RABGAP1L: variants seen among roughly 807,000 people sequenced by gnomAD.
RABGAP1L encodes the protein RAB GTPase activating protein 1 like, also known as rab GTPase-activating protein 1-like.
Under a neutral mutation model 137.7 loss-of-function variants are expected in RABGAP1L, and 63 were observed. The observed-to-expected ratio is 0.46, with a 90% CI of 0.37 to 0.56. The LOEUF is 0.56. Among genes scored for constraint, RABGAP1L ranks in the 20% least tolerant of loss-of-function variants. RABGAP1L has a pLI of 0.00. For synonymous variants in RABGAP1L, 431 were observed against 433.7 expected (o/e 0.99, Z 0.08); for missense variants, 1,095 against 1,244.0 (o/e 0.88, Z 1.80).
intron 11 of RABGAP1L, among the ~76,000 whole-genome samples, chr1:174,335,291 T>G (rs867794407): frequency 3.9e-5 from 6 of 152,216 alleles, no homozygotes; most frequent in Admixed American, 2.0e-4. Context: ...TTTAATTATT[T>G]TCAACAATTT....
chr1:174,291,957 A>AT (rs1676648786), intron 10 of RABGAP1L, among the ~76,000 whole-genome samples: 1 of 145,232 alleles, frequency 6.9e-6, no homozygotes, highest in Non-Finnish European at 1.5e-5. Context: ...TTGTTTCATT[A>AT]TTTTTCCTGC....
intron 19 of RABGAP1L, among the ~76,000 whole-genome samples, chr1:174,886,591 A>T (rs766012671): frequency 6.6e-6 from 1 of 152,190 alleles, no homozygotes; most frequent in African/African-American, 2.4e-5. Flanking sequence ...TAACTTAAAC[A>T]TTTGTTTTTA....
chr1:174,275,287 A>G (rs1213120879), intron 8 of RABGAP1L: 1 of 152,232 alleles, frequency 6.6e-6, no homozygotes, highest in Non-Finnish European at 1.5e-5. Context: ...GTAAGAAAGT[A>G]TATAAATATC....
intron 12 of RABGAP1L, among the ~76,000 whole-genome samples, chr1:174,391,380 T>C (rs2860955): frequency 0.35 from 53,551 of 152,154 alleles, 12,078 homozygotes; most frequent in African/African-American, 0.64. Context: ...CTGCCTGGTG[T>C]GACCTTAGCT....
chr1:174,512,952 T>G (rs896614277), intron 13 of RABGAP1L, among the ~76,000 whole-genome samples: 1 of 152,232 alleles, frequency 6.6e-6, no homozygotes, highest in Non-Finnish European at 1.5e-5. Flanking sequence ...GCTTACATTT[T>G]TCATCTATAG....
intron 19 of RABGAP1L, chr1:174,948,884 A>G (rs1194818508): frequency 6.6e-6 from 1 of 152,196 alleles, no homozygotes; most frequent in Non-Finnish European, 1.5e-5. Flanking sequence ...ATCCTTGTGA[A>G]TGAAAGTCAT....
chr1:174,421,074 G>C (rs926149435), intron 13 of RABGAP1L, among the ~76,000 whole-genome samples: 6 of 152,182 alleles, frequency 3.9e-5, no homozygotes, highest in Non-Finnish European at 5.9e-5. Flanking sequence ...TTTTACAAAA[G>C]TATATAATGA....
chr1:174,596,876 A>G (rs529467361), intron 13 of RABGAP1L, among the ~76,000 whole-genome samples: 3 of 152,170 alleles, frequency 2.0e-5, no homozygotes, highest in Admixed American at 1.3e-4. Flanking sequence ...GTGTTGAAGT[A>G]TGTTTCTTCT....
chr1:174,226,915 T>C (rs2148490792), intron 3 of RABGAP1L, among the ~76,000 whole-genome samples: 1 of 152,288 alleles, frequency 6.6e-6, no homozygotes, highest in South Asian at 2.1e-4. Flanking sequence ...TGAGCCAAAT[T>C]CCACTTCCTA....
intron 11 of RABGAP1L, among the ~76,000 whole-genome samples, chr1:174,318,755 C>G (rs1440634503): frequency 1.4e-5 from 2 of 147,670 alleles, no homozygotes; most frequent in Admixed American, 6.7e-5. Flanking sequence ...TATGTATTTG[C>G]TATACTTTTG....
At chr1:174,569,267 T>C (rs1667808429) in intron 13 of RABGAP1L, among the ~76,000 whole-genome samples, 1 of 152,146 alleles carries the variant, frequency 6.6e-6, no homozygotes, top group Admixed American at 6.6e-5. Flanking sequence ...AAAAGAGTTG[T>C]GAATAATTTT....
Position 174,866,905 on chromosome 1 carries a change from T to A in RABGAP1L, c.2340+54945T>A, listed in dbSNP as rs1169356886. Among the ~76,000 whole-genome samples, 4 of 151,832 alleles carry A rather than the reference T, an allele frequency of 2.6e-5. No homozygotes were observed. In the East Asian group the frequency reaches 7.7e-4, roughly 29 times the overall value. On this transcript the variant is annotated intron_variant, in intron 19 of 25. Transcript: ENST00000681986. ...TCCACCCTGGACAATAGTGAGACCC[T>A]GTCTCAAAAAAAAAATTTTTTTTTT...
intron 19 of RABGAP1L, among the ~76,000 whole-genome samples, chr1:174,859,953 CTTTTTT>C (rs746676430): frequency 1.0e-3 from 95 of 95,150 alleles, no homozygotes; most frequent in Non-Finnish European, 1.6e-3. Context: ...TAGTCCAATG[CTTTTTT>C]TTTTTTTTTT....
At chr1:174,815,735 G>A (rs116193607) in intron 19 of RABGAP1L, among the ~76,000 whole-genome samples, 1 of 152,304 alleles carries the variant, frequency 6.6e-6, no homozygotes, top group Non-Finnish European at 1.5e-5. Flanking sequence ...AAACTTGTAT[G>A]ACATTAAATA....
chr1:174,604,191 A>G (rs1670614626), intron 13 of RABGAP1L, among the ~76,000 whole-genome samples: 1 of 152,142 alleles, frequency 6.6e-6, no homozygotes, highest in Non-Finnish European at 1.5e-5. Context: ...ACTTTAGTTC[A>G]CAGTCGGCCT....
intron 13 of RABGAP1L, among the ~76,000 whole-genome samples, chr1:174,607,527 A>G (rs1444284784): frequency 6.6e-6 from 1 of 152,086 alleles, no homozygotes; most frequent in African/African-American, 2.4e-5. Flanking sequence ...CAGGATCACA[A>G]TGCTGCATCT....
chr1:174,418,442 G>A (rs1005416664), intron 13 of RABGAP1L, among the ~76,000 whole-genome samples: 1 of 152,166 alleles, frequency 6.6e-6, no homozygotes, highest in Admixed American at 6.5e-5. Context: ...TAAGGTCCCT[G>A]TGATGGCACA....
chr1:174,802,280 C>CTAAG (rs1688826673), intron 18 of RABGAP1L, among the ~76,000 whole-genome samples: 1 of 152,058 alleles, frequency 6.6e-6, no homozygotes, highest in South Asian at 2.1e-4. Context: ...CAGTTAGAGC[C>CTAAG]TAAGTAATAA....
chr1:174,605,449 C>T (rs1006093960), intron 13 of RABGAP1L, among the ~76,000 whole-genome samples: 4 of 152,186 alleles, frequency 2.6e-5, no homozygotes, highest in African/African-American at 7.2e-5. Context: ...ACCACTTCCT[C>T]CTCCTGGTAG....
Sources: allele counts gnomAD v4.1 joint callset (sites outside exome capture counted in the v4.1 genomes callset), GRCh38; gene constraint gnomAD v4.1.1; transcripts MANE v1.5; gene names NCBI Gene and HGNC (gene_info 2026-07-23, HGNC 2026-07-21).